TRDN: variants seen among roughly 807,000 people sequenced by gnomAD.
The protein encoded by TRDN is triadin, also known as triadin in skeletal muscle.
In TRDN, 161 loss-of-function variants were observed where a neutral mutation model predicts 149.7. That is an observed-to-expected ratio of 1.08 (90% CI 0.95 to 1.23). The LOEUF (loss-of-function observed/expected upper bound fraction) is 1.23, where lower values mean the gene tolerates loss of function less well. Among genes scored for constraint, TRDN ranks in the 50% most tolerant of loss-of-function variants. The pLI is 0.00. For synonymous variants in TRDN, 294 were observed against 250.5 expected (o/e 1.17, Z -1.64); for missense variants, 896 against 823.5 (o/e 1.09, Z -1.08).
intron 1 of TRDN, among the ~76,000 whole-genome samples, chr6:123,616,827 C>G (rs927467400): frequency 5.9e-5 from 9 of 152,090 alleles, no homozygotes; most frequent in African/African-American, 2.2e-4. Context: ...CTTCTTGTAT[C>G]CCACATTCTG....
At chr6:123,374,665 A>G (rs1781439551) in intron 19 of TRDN, among the ~76,000 whole-genome samples, 1 of 152,186 alleles carries the variant, frequency 6.6e-6, no homozygotes. Flanking sequence ...CTCAAAAACT[A>G]CTTGGGAGGC....
rs772237078 is a variant in TRDN, at chr6:123,438,850, G to A, written c.991+94C>T. Reference sequence around the variant, plus strand: ...ATAACAATGACAATGCATTTATTAAGGGAATTTCTTTCCTAGAAAATAATA... The same window carrying A: ...ATAACAATGACAATGCATTTATTAAAGGAATTTCTTTCCTAGAAAATAATA... On this transcript the variant is annotated intron_variant, in intron 11 of 40. Transcript: ENST00000334268. 1.3e-3 allele frequency: 1,217 copies of A among 951,852 alleles called. 4 individuals carry two copies. The highest frequency in any genetic ancestry group is 8.1e-4 in the Non-Finnish European group (529 of 651,798). The allele number at this position is 951,852 out of a possible 1,614,324, so 59.0% of individuals were successfully genotyped here. A position where few individuals can be genotyped will look rare whatever the true frequency, so the allele number is the denominator to read the frequency against.
At chr6:123,582,326 G>A (rs1370640309) in intron 1 of TRDN, among the ~76,000 whole-genome samples, 2 of 152,036 alleles carry the variant, frequency 1.3e-5, no homozygotes, top group Non-Finnish European at 1.5e-5. Flanking sequence ...AAGATAAGGA[G>A]TTATGGATTT....
chr6:123,248,980 C>A (rs1776282099), intron 38 of TRDN, among the ~76,000 whole-genome samples: 1 of 152,076 alleles, frequency 6.6e-6, no homozygotes, highest in Non-Finnish European at 1.5e-5. Flanking sequence ...AAAATACTAG[C>A]AAAATGAATC....
intron 31 of TRDN, among the ~76,000 whole-genome samples, chr6:123,268,357 A>G (rs1481042626): frequency 6.6e-6 from 1 of 152,068 alleles, no homozygotes; most frequent in Admixed American, 6.6e-5. Flanking sequence ...AAGAAATAAA[A>G]ATGTATGAGT....
At chr6:123,447,791 C>T (rs1425596064) in intron 10 of TRDN, among the ~76,000 whole-genome samples, 3 of 150,622 alleles carry the variant, frequency 2.0e-5, no homozygotes, top group East Asian at 1.9e-4. Context: ...AAAAAAAGGT[C>T]GTTGTGAATG....
At chr6:123,503,338 G>A (rs539111515) in intron 8 of TRDN, 567 of 985,024 alleles carry the variant, frequency 5.8e-4, no homozygotes, top group Non-Finnish European at 6.7e-4. Context: ...AACTCCTTAG[G>A]AATTGCTGTC....
intron 12 of TRDN, among the ~76,000 whole-genome samples, chr6:123,417,310 T>A (rs1390147556): frequency 6.8e-6 from 1 of 148,068 alleles, no homozygotes; most frequent in African/African-American, 2.6e-5. Context: ...TCCTACAATA[T>A]AAAATTTTTT....
Position 123,273,280 on chromosome 6 carries a change from C to T in TRDN, c.1624+57G>A, listed in dbSNP as rs144333175. The T allele has an allele frequency of 3.1e-3, 3,177 of 1,038,014 alleles. 13 individuals are homozygous for T. The highest frequency in any genetic ancestry group is 7.2e-3 in the African/African-American group (420 of 58,490). The allele number at this position is 1,038,014 out of a possible 1,614,324, so 64.3% of individuals were successfully genotyped here. On this transcript the variant is annotated intron_variant, in intron 28 of 40. Transcript: ENST00000334268. The stretch of plus-strand genomic sequence containing the variant: ...GGTTGAAAATACATGATTTTGAAAA[C>T]GTTTCAATATTTTTTCGTAAGAAAG...
intron 24 of TRDN, among the ~76,000 whole-genome samples, chr6:123,310,150 A>AT (rs1341623262): frequency 3.9e-5 from 6 of 152,144 alleles, no homozygotes; most frequent in Admixed American, 2.6e-4. Context: ...GTAAAAGGTG[A>AT]TTTTTTTGTA....
rs538570800 is a variant in TRDN at position 123,502,489 on chromosome 6, T to A, written c.793+1230A>T. On this transcript the variant is annotated intron_variant, in intron 8 of 40. Coordinates refer to ENST00000334268, the MANE Select transcript of TRDN (RefSeq NM_006073.4). ...AAAAAAAGAAAAAATCTTTCCTTTT[T>A]AAAATATATATTTTTAAAATATGTA... The A allele has an allele frequency of 2.1e-4, 182 of 876,746 alleles. 3 individuals are homozygous for A. In the South Asian group the frequency reaches 4.5e-3, roughly 22 times the overall value. The allele number at this position is 876,746 out of a possible 1,614,324, so 54.3% of individuals were successfully genotyped here.
chr6:123,414,594 T>C (rs1012786583), intron 12 of TRDN, among the ~76,000 whole-genome samples: 1 of 152,086 alleles, frequency 6.6e-6, no homozygotes, highest in Non-Finnish European at 1.5e-5. Flanking sequence ...ATATGTGTAA[T>C]AATAAAGAGT....
rs376970609 is a variant in TRDN at position 123,557,318 on chromosome 6, C to T, written c.233-8706G>A. On this transcript the variant is annotated intron_variant, in intron 2 of 40. Transcript: ENST00000334268. Reference sequence around the variant, plus strand: ...CTCCCTTGGGAGATCAATCTTCTGTCCTCCTACTCTTTGCTCTGTGACAAA... The same window carrying T: ...CTCCCTTGGGAGATCAATCTTCTGTTCTCCTACTCTTTGCTCTGTGACAAA... Among the ~76,000 whole-genome samples the T allele has an allele frequency of 2.8e-4, 42 of 152,210 alleles. No individual in the cohort carries two copies. The East Asian group carries it at 6.0e-3, about 22-fold the overall frequency.
chr6:123,273,623 A>G (rs1777276653), intron 27 of TRDN, among the ~76,000 whole-genome samples: 1 of 152,038 alleles, frequency 6.6e-6, no homozygotes, highest in Non-Finnish European at 1.5e-5. Flanking sequence ...TTGTAATGTA[A>G]CAAGGCTGTT....
At chr6:123,529,280 G>T (rs768761642) in intron 5 of TRDN, 1 of 1,548,936 alleles carries the variant, frequency 6.5e-7, no homozygotes, top group East Asian at 2.4e-5. Context: ...GTACTCAAGA[G>T]CTGTGTCCAA....
At chr6:123,273,876 C>G (rs768928142) in intron 27 of TRDN, among the ~76,000 whole-genome samples, 1 of 151,872 alleles carries the variant, frequency 6.6e-6, no homozygotes, top group Non-Finnish European at 1.5e-5. Flanking sequence ...CTAGTTGGTA[C>G]CAGAGGTATG....
intron 4 of TRDN, among the ~76,000 whole-genome samples, chr6:123,542,178 C>T (rs1015874759): frequency 1.3e-5 from 2 of 152,200 alleles, no homozygotes; most frequent in Non-Finnish European, 2.9e-5. Flanking sequence ...CTTCCTCTGC[C>T]ATTGACATGC....
Position 123,339,998 on chromosome 6 carries a change from A to C in TRDN, c.1370-2329T>G, listed in dbSNP as rs1474323129. On this transcript the variant is annotated intron_variant, in intron 21 of 40. Transcript: ENST00000334268. ...ATAAAAACTATTCATTTTGAAAATA[A>C]TACTCAATAGAAATGCATCCAGGAA... 2.6e-5 allele frequency among the ~76,000 whole-genome samples: 4 copies of C among 152,208 alleles called. No individual in the cohort carries two copies. In the East Asian group the frequency reaches 7.7e-4, roughly 29 times the overall value.
At position 123,438,037 on chromosome 6, in the gene TRDN, C is replaced by T. The variant is rs553960846; in HGVS notation, c.1051+26G>A. The T allele has an allele frequency of 2.7e-5, 43 of 1,582,460 alleles. No homozygotes were observed. The South Asian group carries it at 4.2e-4, about 16-fold the overall frequency. ...AGCAAACATCCTGAACGTAATCCAT[C>T]TAAGGAAACAAAGAAAGTGCAATAC... On this transcript the variant is annotated intron_variant, in intron 12 of 40. Coordinates refer to ENST00000334268, the MANE Select transcript of TRDN (RefSeq NM_006073.4).
Sources: gnomAD v4.1 joint callset for allele counts (sites outside exome capture counted in the v4.1 genomes callset) on GRCh38, gnomAD v4.1.1 for gene constraint, MANE v1.5 for transcripts, NCBI Gene and HGNC (gene_info 2026-07-23, HGNC 2026-07-21) for gene names.